The following TRDN variants were observed in gnomAD, a reference collection of about 807,000 sequenced individuals.
The protein encoded by TRDN is triadin in skeletal muscle.
Under a neutral mutation model 149.7 loss-of-function variants are expected in TRDN, and 161 were observed. That is an observed-to-expected ratio of 1.08 (90% confidence interval 0.95 to 1.23). TRDN has a LOEUF of 1.23. TRDN is among the 50% of genes most tolerant of loss of function. The probability of loss-of-function intolerance (pLI) is 0.00; values close to 1 mark genes in which losing one functional copy is unlikely to be tolerated. For synonymous variants in TRDN, 294 were observed against 250.5 expected (o/e 1.17, Z -1.64); for missense variants, 896 against 823.5 (o/e 1.09, Z -1.08).
In TRDN at chr6:123,432,145, T is replaced by C. The variant is rs564617081; in HGVS notation, c.1051+5918A>G. Reference sequence around the variant, plus strand: ...AAGATGTTTCAGTGTAAAGCTCTAATGGGGTATTGTAAATGAATGATCCTT... The same window carrying C: ...AAGATGTTTCAGTGTAAAGCTCTAACGGGGTATTGTAAATGAATGATCCTT... On this transcript the variant is annotated intron_variant, in intron 12 of 40. Coordinates refer to ENST00000334268, the MANE Select transcript of TRDN (RefSeq NM_006073.4). Among the ~76,000 whole-genome samples the C allele has an allele frequency of 8.5e-5, 13 of 152,280 alleles. No homozygotes were observed. The South Asian group carries it at 2.3e-3, about 27-fold the overall frequency.
In TRDN at chr6:123,316,497, T is replaced by C; in HGVS notation, c.1472-2A>G. 1 of 1,610,416 alleles carries C rather than the reference T, an allele frequency of 6.2e-7. No individual in the cohort carries two copies. The highest frequency in any genetic ancestry group is 1.1e-5 in the South Asian group (1 of 90,970). On this transcript the variant is annotated splice_acceptor_variant, in intron 23 of 40. Coordinates refer to ENST00000334268, the MANE Select transcript of TRDN (RefSeq NM_006073.4). LOFTEE classifies it high-confidence loss of function. ...TTTCATCTTTTTTAGTTTCAGGTTC[T>C]GGGGCAAAACGTACACATAAACACG... is the stretch of plus-strand genomic sequence containing the variant.
At chr6:123,285,893 T>C (rs1185234520) in intron 24 of TRDN, among the ~76,000 whole-genome samples, 1 of 151,976 alleles carries the variant, frequency 6.6e-6, no homozygotes, top group African/African-American at 2.4e-5. Flanking sequence ...CAAAAGAAGA[T>C]ACATAAATGG....
chr6:123,501,344 A>G lies in TRDN; in HGVS notation c.793+2375T>C, dbSNP rs374408745. On this transcript the variant is annotated intron_variant, in intron 8 of 40. Transcript: ENST00000334268. ...TCTATATGAAAAGAATGCCTCAAAC[A>G]TATTAGGTCTAACTTAACTATGTGA... Among the ~76,000 whole-genome samples the G allele has an allele frequency of 1.2e-4, 19 of 152,196 alleles. No individual in the cohort carries two copies. The East Asian group carries it at 1.5e-3, about 12-fold the overall frequency.
At position 123,468,506 on chromosome 6, in the gene TRDN, C is replaced by A. The variant is rs58099949; in HGVS notation, c.854-3523G>T. On this transcript the variant is annotated intron_variant, in intron 9 of 40. Coordinates refer to ENST00000334268, the MANE Select transcript of TRDN (RefSeq NM_006073.4). ...TGGTTGTTTTTGATTTAGTCAAATTCTTTTGGGGCTAGTGTACAGTGTGCA... is the reference window on the plus strand; with the variant it reads ...TGGTTGTTTTTGATTTAGTCAAATTATTTTGGGGCTAGTGTACAGTGTGCA... Among the ~76,000 whole-genome samples the A allele has an allele frequency of 2.4e-3, 369 of 152,162 alleles. 1 individual carries two copies. Among genetic ancestry groups the A allele is most frequent in the African/African-American group, 8.3e-3 (343 of 41,522 alleles).
At chr6:123,498,113 T>C (rs1224851337) in intron 8 of TRDN, 1 of 163,378 alleles carries the variant, frequency 6.1e-6, no homozygotes, top group Admixed American at 5.9e-5. Flanking sequence ...CTTTAAAGCA[T>C]ACATATTATG....
chr6:123,392,632 G>A (rs1772535470), intron 13 of TRDN, among the ~76,000 whole-genome samples: 1 of 151,852 alleles, frequency 6.6e-6, no homozygotes, highest in African/African-American at 2.4e-5. Flanking sequence ...AGAAAAACAA[G>A]TTTTTCAATG....
intron 9 of TRDN, among the ~76,000 whole-genome samples, chr6:123,490,648 G>C (rs890878306): frequency 6.6e-6 from 1 of 152,152 alleles, no homozygotes; most frequent in Admixed American, 6.5e-5. Context: ...TGCTAAAAGA[G>C]CATGTCACAG....
intron 23 of TRDN, among the ~76,000 whole-genome samples, chr6:123,327,456 C>T (rs2114719492): frequency 6.6e-6 from 1 of 152,068 alleles, no homozygotes; most frequent in Admixed American, 6.5e-5. Flanking sequence ...ATGATCACTT[C>T]CAGATAGGAA....
chr6:123,474,536 G>C (rs985714644), intron 9 of TRDN, among the ~76,000 whole-genome samples: 16 of 151,994 alleles, frequency 1.1e-4, no homozygotes, highest in Non-Finnish European at 2.2e-4. Context: ...AGTCAACAAG[G>C]ATACCCAGGA....
intron 9 of TRDN, chr6:123,488,811 A>T (rs1583132640): frequency 6.6e-6 from 1 of 151,830 alleles, no homozygotes; most frequent in African/African-American, 2.4e-5. Context: ...GTATAAAGAT[A>T]ATACTGAAGA....
intron 5 of TRDN, among the ~76,000 whole-genome samples, chr6:123,525,600 A>C (rs1779904291): frequency 6.6e-6 from 1 of 152,060 alleles, no homozygotes; most frequent in Admixed American, 6.6e-5. Flanking sequence ...ATTATGTTGA[A>C]TATTTGGGTG....
intron 9 of TRDN, among the ~76,000 whole-genome samples, chr6:123,478,084 C>CA (rs36054866): frequency 0.036 from 5,080 of 140,892 alleles, 227 homozygotes; most frequent in African/African-American, 0.11. Flanking sequence ...AAATGTTCAC[C>CA]AAAAAAAAAA....
intron 9 of TRDN, 25 bp from the exon 10 acceptor site, chr6:123,465,008 G>T: frequency 1.9e-6 from 3 of 1,538,774 alleles, no homozygotes; most frequent in Admixed American, 2.1e-5. Flanking sequence ...AGTAGGAATT[G>T]GAAAAAAAAA....
chr6:123,580,372 A>T (rs893146977), intron 1 of TRDN, among the ~76,000 whole-genome samples: 1 of 152,198 alleles, frequency 6.6e-6, no homozygotes, highest in Non-Finnish European at 1.5e-5. Context: ...AAAATTTAAA[A>T]GCTAAAATTT....
chr6:123,233,728 A>G (rs1775692585), intron 38 of TRDN, among the ~76,000 whole-genome samples: 1 of 152,132 alleles, frequency 6.6e-6, no homozygotes, highest in Non-Finnish European at 1.5e-5. Flanking sequence ...AAACAAAATC[A>G]TCATGAATTT....
chr6:123,381,253 T>A, intron 16 of TRDN, 117 bp downstream of exon 16: 2 of 932,784 alleles, frequency 2.1e-6, no homozygotes, highest in Non-Finnish European at 3.3e-6. Context: ...AACAACAGAG[T>A]TCACATGCAT....
chr6:123,429,780 C>CT (rs966059505), intron 12 of TRDN, among the ~76,000 whole-genome samples: 69 of 152,088 alleles, frequency 4.5e-4, no homozygotes, highest in African/African-American at 1.6e-3. Flanking sequence ...TTTTATTTAA[C>CT]TTTTTTCAGA....
intron 21 of TRDN, among the ~76,000 whole-genome samples, chr6:123,345,658 A>C (rs1194255945): frequency 1.3e-5 from 2 of 152,104 alleles, no homozygotes; most frequent in Non-Finnish European, 2.9e-5. Context: ...AAGAATTGGC[A>C]GCTTGACAAT....
intron 9 of TRDN, chr6:123,468,922 A>C (rs1004536922): frequency 6.6e-6 from 1 of 152,150 alleles, no homozygotes; most frequent in African/African-American, 2.4e-5. Context: ...AAATCCTGGG[A>C]CTGGAAAGGT....
Sources: allele counts gnomAD v4.1 joint callset (sites outside exome capture counted in the v4.1 genomes callset), GRCh38; gene constraint gnomAD v4.1.1; transcripts MANE v1.5; gene names NCBI Gene and HGNC (gene_info 2026-07-23, HGNC 2026-07-21).